The following TMEM50B variants were observed in gnomAD, a reference collection of about 807,000 sequenced individuals.
The protein encoded by TMEM50B is HCV p7-trans-regulated protein 3.
TMEM50B carries 14 observed loss-of-function variants against 23.4 expected under a neutral mutation model. The observed-to-expected ratio is 0.60, with a 90% confidence interval of 0.39 to 0.93. The LOEUF (loss-of-function observed/expected upper bound fraction) is 0.93, where lower values mean the gene tolerates loss of function less well. TMEM50B is among the 40% of genes least tolerant of loss of function. The pLI, the probability that TMEM50B is intolerant of heterozygous loss-of-function variation, is 0.00. For missense variants in TMEM50B, 159 were observed against 193.0 expected, an observed-to-expected ratio of 0.82 and a Z score of 1.04; for synonymous variants, 64 against 62.3, an observed-to-expected ratio of 1.03 and a Z score of -0.13.
In TMEM50B at chr21:33,460,501, A is replaced by T; in HGVS notation, c.285T>A (p.Ala95=). 1 of 1,607,122 alleles carries T rather than the reference A, an allele frequency of 6.2e-7. No homozygotes were observed. The highest frequency in any genetic ancestry group is 8.5e-7 in the Non-Finnish European group (1 of 1,176,166). Residue 95 remains alanine (A), a synonymous_variant, in exon 5 of 7, where the codon GCT becomes GCA. Coordinates refer to ENST00000542230, the MANE Select transcript of TMEM50B (RefSeq NM_006134.7). ...YESGCLGRTG[A]RVWLFIGFML... The stretch of plus-strand genomic sequence containing the variant: ...TGAAACCAATGAAAAGCCAAACTCG[A>T]GCACCTGTGTAGAGAAGAGGCTTTA...
intron 7 of TMEM50B, among the ~76,000 whole-genome samples, chr21:33,443,452 GAA>G: frequency 7.1e-6 from 1 of 140,286 alleles, no homozygotes. Flanking sequence ...GACCTAAACA[GAA>G]CACAAAGGCA....
chr21:33,444,841 A>C (rs2084039473), downstream of TMEM50B, among the ~76,000 whole-genome samples: 1 of 151,064 alleles, frequency 6.6e-6, no homozygotes, highest in Non-Finnish European at 1.5e-5. Context: ...GAAACAAAAG[A>C]AACTGCTGGC....
At chr21:33,472,873 T>C (rs2084330791) in intron 1 of TMEM50B, among the ~76,000 whole-genome samples, 1 of 146,370 alleles carries the variant, frequency 6.8e-6, no homozygotes, top group Non-Finnish European at 1.5e-5. Flanking sequence ...CAAAACTCCA[T>C]CTCAAAAAAA....
intron 8 of TMEM50B, among the ~76,000 whole-genome samples, chr21:33,436,592 G>C (rs2083953601): frequency 6.6e-6 from 1 of 151,736 alleles, no homozygotes; most frequent in African/African-American, 2.4e-5. Flanking sequence ...CAAGGTGGTG[G>C]GCACCTGTAG....
intron 1 of TMEM50B, among the ~76,000 whole-genome samples, chr21:33,470,026 G>A (rs116760210): frequency 0.018 from 2,772 of 152,180 alleles, 81 homozygotes; most frequent in African/African-American, 0.063. Flanking sequence ...CTATAGGAGT[G>A]TAGCATACTA....
chr21:33,473,633 TG>T (rs1410883401), intron 1 of TMEM50B, among the ~76,000 whole-genome samples: 1 of 140,492 alleles, frequency 7.1e-6, no homozygotes, highest in East Asian at 2.0e-4. Flanking sequence ...CTATGACAGG[TG>T]ACACAGTGAG....
chr21:33,475,116 A>G (rs2084356220), intron 1 of TMEM50B, among the ~76,000 whole-genome samples: 1 of 151,758 alleles, frequency 6.6e-6, no homozygotes. Flanking sequence ...TGGTAGAGAC[A>G]GGGTTTCACA....
chr21:33,442,405 G>GAGCC (rs1035594729), intron 7 of TMEM50B, among the ~76,000 whole-genome samples: 1 of 152,168 alleles, frequency 6.6e-6, no homozygotes, highest in African/African-American at 2.4e-5. Flanking sequence ...TGGGGCCTCA[G>GAGCC]AGCCACCCGT....
intron 1 of TMEM50B, among the ~76,000 whole-genome samples, chr21:33,477,773 T>C (rs1368811735): frequency 6.6e-6 from 1 of 151,662 alleles, no homozygotes; most frequent in Non-Finnish European, 1.5e-5. Context: ...ATAGCGCCAT[T>C]GCACTCCAGC....
intron 1 of TMEM50B, among the ~76,000 whole-genome samples, chr21:33,475,046 C>G (rs2084355509): frequency 6.6e-6 from 1 of 151,046 alleles, no homozygotes; most frequent in Admixed American, 6.6e-5. Flanking sequence ...CCTGCCTCAG[C>G]CTCCCAAGTA....
In TMEM50B at chr21:33,433,379, A is replaced by G. The variant is rs62226406; in HGVS notation, c.*2121-577T>C. ...AGCACTCCGGTGTCGTTGAAGGATT[A>G]ATAGATAAATCTTTAATAGATGGTC... On this transcript the variant is annotated intron_variant and NMD_transcript_variant, in intron 8 of 8. Coordinates refer to the TMEM50B transcript ENST00000420455. Among the ~76,000 whole-genome samples the G allele has an allele frequency of 4.7e-4, 71 of 152,372 alleles. 1 individual carries two copies. Among genetic ancestry groups the G allele is most frequent in the Admixed American group, 1.0e-3 (16 of 15,302 alleles).
rs2123384586 is a variant in TMEM50B, at chr21:33,436,882, C to T, written c.*2120+2332G>A. 1.2e-6 allele frequency: 2 copies of T among 1,613,924 alleles called. No homozygotes were observed. Among genetic ancestry groups the T allele is most frequent in the Non-Finnish European group, 1.7e-6 (2 of 1,179,820 alleles). On this transcript the variant is annotated intron_variant and NMD_transcript_variant, in intron 8 of 8. Coordinates refer to the TMEM50B transcript ENST00000420455. ...AGAGGCCTTGGACAAGGACAGCTCACCAAAGGATGACGTCTGGGACTCTGT... is the reference window on the plus strand; with the variant it reads ...AGAGGCCTTGGACAAGGACAGCTCATCAAAGGATGACGTCTGGGACTCTGT...
intron 5 of TMEM50B, among the ~76,000 whole-genome samples, chr21:33,456,691 T>A (rs1188207728): frequency 6.6e-6 from 1 of 152,182 alleles, no homozygotes; most frequent in Non-Finnish European, 1.5e-5. Context: ...AATGACTAAC[T>A]GTATGACCTT....
chr21:33,472,064 A>G (rs1486555175), intron 1 of TMEM50B, among the ~76,000 whole-genome samples: 5 of 150,322 alleles, frequency 3.3e-5, no homozygotes, highest in African/African-American at 7.3e-5. Context: ...AAAATTCTAG[A>G]ACTGCAAATT....
intron 8 of TMEM50B, among the ~76,000 whole-genome samples, chr21:33,435,387 C>T (rs187975605): frequency 6.8e-4 from 104 of 152,106 alleles, no homozygotes; most frequent in African/African-American, 2.3e-3. Context: ...ATTTTAGAGA[C>T]GTCTTAAGAT....
At chr21:33,474,845 TAAA>T (rs1425471913) in intron 1 of TMEM50B, among the ~76,000 whole-genome samples, 2 of 45,814 alleles carry the variant, frequency 4.4e-5, no homozygotes, top group Non-Finnish European at 8.1e-5. Context: ...ATAAATAAAA[TAAA>T]AAAGCAAGAG....
chr21:33,478,137 AAAATAAAT>A (rs886985517), intron 1 of TMEM50B, among the ~76,000 whole-genome samples: 5 of 151,794 alleles, frequency 3.3e-5, no homozygotes, highest in Non-Finnish European at 7.4e-5. Flanking sequence ...TCTGTCTCAA[AAAATAAAT>A]AAATAAATAA....
rs1459612545 is a variant in TMEM50B, at chr21:33,460,426, TGCAC to T, written c.356_359del (p.Gly119AspfsTer13). 5 of 1,603,504 alleles carry T rather than the reference TGCAC, an allele frequency of 3.1e-6. No homozygotes were observed. Among genetic ancestry groups the T allele is most frequent in the Non-Finnish European group, 4.3e-6 (5 of 1,172,772 alleles). ...ATATATACTTACTTTGGGTAACATATGCACCAAAAAGAATCCACATGGAAGCAAT... is the reference window on the plus strand; with the variant it reads ...ATATATACTTACTTTGGGTAACATATCAAAAAGAATCCACATGGAAGCAAT... On this transcript the variant is annotated frameshift_variant, in exon 5 of 7. Transcript: ENST00000542230. LOFTEE classifies it high-confidence loss of function.
Position 33,450,669 on chromosome 21 carries a change from A to G in TMEM50B, c.*149T>C. The G allele has an allele frequency of 1.7e-6, 1 of 600,920 alleles. No homozygotes were observed. 37.2% of individuals were successfully genotyped at this position (600,920 alleles called of 1,614,324 possible). A position where few individuals can be genotyped will look rare whatever the true frequency, so the allele number is the denominator to read the frequency against. On this transcript the variant is annotated 3_prime_UTR_variant, in exon 7 of 7. Transcript: ENST00000542230. ...GCAATGAAAAATAAAGAAATTTCAT[A>G]AAACTATTTCAAAACTCAGAACATA...
Sources: gnomAD v4.1 joint callset for allele counts (sites outside exome capture counted in the v4.1 genomes callset) on GRCh38, gnomAD v4.1.1 for gene constraint, MANE v1.5 for transcripts, NCBI Gene and HGNC (gene_info 2026-07-23, HGNC 2026-07-21) for gene names.